Variants in TTF1 observed in about 807,000 individuals in gnomAD.
The protein encoded by TTF1 is transcription termination factor, RNA polymerase I.
Under a neutral mutation model 80.2 loss-of-function variants are expected in TTF1, and 64 were observed. That is an observed-to-expected ratio of 0.80 (90% CI 0.65 to 0.98). The LOEUF (loss-of-function observed/expected upper bound fraction) is 0.98. Among genes scored for constraint, TTF1 ranks in the 50% least tolerant of loss-of-function variants. TTF1 has a pLI of 0.00. For synonymous variants in TTF1, 372 were observed against 382.7 expected (o/e 0.97, Z 0.33); for missense variants, 1,023 against 1,086.2 (o/e 0.94, Z 0.82).
At position 132,401,902 on chromosome 9, in the gene TTF1, A is replaced by G. The variant is rs761546370; in HGVS notation, c.920T>C (p.Met307Thr). 7 of 1,610,376 alleles carry G rather than the reference A, an allele frequency of 4.3e-6. No homozygotes were observed. Among genetic ancestry groups the G allele is most frequent in the Admixed American group, 1.7e-5 (1 of 59,626 alleles). Residue 307 changes from methionine (M) to threonine (T), a missense_variant, in exon 2 of 11, where the codon ATG becomes ACG. Transcript: ENST00000334270. ...GCCCACAGCAGGCCGGGATTCCTGCATATCAGCCCCAACCTCACTGCCCAC... is the reference window on the plus strand; with the variant it reads ...GCCCACAGCAGGCCGGGATTCCTGCGTATCAGCCCCAACCTCACTGCCCAC... ...SQVGSEVGADMQESRPAVGLH... is the reference protein window; with the variant it reads ...SQVGSEVGADTQESRPAVGLH...
chr9:132,386,503 T>G, intron 9 of TTF1, 53 bp downstream of exon 9: 7 of 1,367,738 alleles, frequency 5.1e-6, no homozygotes, highest in Non-Finnish European at 6.2e-6. Context: ...TTATTGTATT[T>G]ATTAAGTCAT....
intron 9 of TTF1, among the ~76,000 whole-genome samples, chr9:132,385,441 G>C (rs183410319): frequency 1.2e-4 from 18 of 152,306 alleles, no homozygotes; most frequent in African/African-American, 4.1e-4. Context: ...AGTCCCCTGA[G>C]GCGTGGGAGT....
At chr9:132,398,372 G>GA (rs5900976) in intron 3 of TTF1, 46 bp from the exon 4 acceptor site, 1,452,478 of 1,569,782 alleles carry the variant, frequency 0.93, 672,772 homozygotes, top group East Asian at 0.97. Flanking sequence ...TGTTAATAAT[G>GA]ACAAAAGCAA....
chr9:132,381,489 C>T (rs146996753), intron 9 of TTF1, among the ~76,000 whole-genome samples: 11 of 152,262 alleles, frequency 7.2e-5, no homozygotes, highest in East Asian at 1.9e-4. Flanking sequence ...CACGCCCGGC[C>T]GAAAAGTTGA....
At position 132,398,474 on chromosome 9, in the gene TTF1, T is replaced by C. The variant is rs73659026; in HGVS notation, c.1592-148A>G. 243 of 771,102 alleles carry C rather than the reference T, an allele frequency of 3.2e-4. No individual in the cohort carries two copies. In the Middle Eastern group the frequency reaches 3.9e-3, roughly 12 times the overall value. The allele number at this position is 771,102 out of a possible 1,614,324, so 47.8% of individuals were successfully genotyped here. Reference sequence around the variant, plus strand: ...CGCCCTCCTGCCCGCACTTGCAGATTTGGCCTTTCCTTCAGGGTTCAGCCC... The same window carrying C: ...CGCCCTCCTGCCCGCACTTGCAGATCTGGCCTTTCCTTCAGGGTTCAGCCC... On this transcript the variant is annotated intron_variant, in intron 3 of 10. Coordinates refer to ENST00000334270, the MANE Select transcript of TTF1 (RefSeq NM_007344.4).
chr9:132,378,552 T>C (rs1489099771), intron 10 of TTF1, among the ~76,000 whole-genome samples: 2 of 108,094 alleles, frequency 1.9e-5, no homozygotes, highest in Admixed American at 1.8e-4. Context: ...GCATGTGGTG[T>C]GTGAATGCAT....
At chr9:132,388,647 G>A (rs1419738735) in intron 7 of TTF1, among the ~76,000 whole-genome samples, 1 of 152,054 alleles carries the variant, frequency 6.6e-6, no homozygotes, top group African/African-American at 2.4e-5. Context: ...GGACCTCAAT[G>A]TATTTTGACT....
rs755049088 is a variant in TTF1, at chr9:132,392,076, G to A, written c.1987C>T (p.Gln663Ter). ...VALKFSQISS[Q>*]RNRGAWSKSE... Reference sequence around the variant, plus strand: ...GTGGGCACTGGGGGCTGCCACTTACGACTGCTGATCTGTGAGAACTTGAGG... The same window carrying A: ...GTGGGCACTGGGGGCTGCCACTTACAACTGCTGATCTGTGAGAACTTGAGG... Residue 663 changes from glutamine to a stop codon, truncating the protein, a stop_gained and splice_region_variant, in exon 6 of 11, where the codon CAA becomes TAA. Transcript: ENST00000334270. LOFTEE classifies it high-confidence loss of function. The A allele has an allele frequency of 2.5e-6, 4 of 1,613,786 alleles. No individual in the cohort carries two copies. Among genetic ancestry groups the A allele is most frequent in the South Asian group, 2.2e-5 (2 of 91,036 alleles).
intron 5 of TTF1, among the ~76,000 whole-genome samples, chr9:132,394,024 C>G (rs1166304): frequency 1.3e-5 from 2 of 151,582 alleles, no homozygotes; most frequent in African/African-American, 4.9e-5. Context: ...TGGGATCAAG[C>G]GATCCTCCCA....
intron 9 of TTF1, among the ~76,000 whole-genome samples, chr9:132,380,570 G>A (rs1023171802): frequency 4.6e-5 from 7 of 152,070 alleles, no homozygotes; most frequent in Non-Finnish European, 7.4e-5. Context: ...AATGCTGTGC[G>A]CCCAACATGC....
At chr9:132,394,338 G>T (rs1226917872) in intron 5 of TTF1, among the ~76,000 whole-genome samples, 1 of 151,308 alleles carries the variant, frequency 6.6e-6, no homozygotes, top group African/African-American at 2.4e-5. Flanking sequence ...GGAGTGCAGT[G>T]GCGCAATCTC....
chr9:132,384,327 T>C lies in TTF1; in HGVS notation c.2378+2229A>G, dbSNP rs1849421365. ...ATGGAAAATGAGCTAAGAACCCATC[T>C]CAAGAAGTTGAAGAACAGCAGCAAA... On this transcript the variant is annotated intron_variant, in intron 9 of 10. Transcript: ENST00000334270. The surrounding 1 kb of genome is among the most constrained non-coding windows in gnomAD (Gnocchi z 4.1). 6.6e-6 allele frequency among the ~76,000 whole-genome samples: 1 copy of C among 152,176 alleles called. No homozygotes were observed. The highest frequency in any genetic ancestry group is 1.5e-5 in the Non-Finnish European group (1 of 68,038).
chr9:132,375,979 G>A lies in TTF1; in HGVS notation c.2654C>T (p.Ala885Val), dbSNP rs1752676. Residue 885 changes from alanine to valine, a missense_variant, in exon 11 of 11, where the codon GCG (alanine) becomes GTG (valine). Transcript: ENST00000334270. ...ATTACAGGCGTGAGCCATGCATGGC[G>A]CCTGGCCTTCGCTTTCTTTTTCTAT... Reference protein sequence around the residue: ...EDIEKESEGQAPCMAHACNSS... With the variant: ...EDIEKESEGQVPCMAHACNSS... 35,232 of 1,613,116 alleles carry A rather than the reference G, an allele frequency of 0.022. 486 individuals are homozygous for A. Among genetic ancestry groups the A allele is most frequent in the Non-Finnish European group, 0.026 (31,257 of 1,179,714 alleles).
intron 4 of TTF1, among the ~76,000 whole-genome samples, chr9:132,397,318 C>T (rs892176232): frequency 3.3e-5 from 5 of 152,296 alleles, no homozygotes; most frequent in African/African-American, 9.6e-5. Context: ...TCAACGGGGG[C>T]GTACTAGCCT....
rs867174985 is a variant in TTF1 at position 132,377,638 on chromosome 9, G to A, written c.2464+1421C>T. Among the ~76,000 whole-genome samples, 342 of 135,774 alleles carry A rather than the reference G, an allele frequency of 2.5e-3. 3 individuals carry two copies. Among genetic ancestry groups the A allele is most frequent in the Non-Finnish European group, 4.5e-3 (283 of 62,892 alleles). 89.1% of individuals were successfully genotyped at this position (135,774 alleles called of 152,430 possible). A position where few individuals can be genotyped will look rare whatever the true frequency, so the allele number is the denominator to read the frequency against. On this transcript the variant is annotated intron_variant, in intron 10 of 10. Coordinates refer to ENST00000334270, the MANE Select transcript of TTF1 (RefSeq NM_007344.4). ...CATGTGGTGTGAGTGCATGTGGTGC[G>A]TGTGAATGCATGTGGTGTGTGTGAG...
chr9:132,397,454 C>T (rs980683196), intron 4 of TTF1, among the ~76,000 whole-genome samples: 2 of 152,154 alleles, frequency 1.3e-5, no homozygotes, highest in African/African-American at 2.4e-5. Flanking sequence ...CACCTCCAGT[C>T]GGAGGGTTCC....
chr9:132,393,116 G>A (rs949810599), intron 5 of TTF1, among the ~76,000 whole-genome samples: 5 of 152,200 alleles, frequency 3.3e-5, no homozygotes, highest in Non-Finnish European at 7.3e-5. Flanking sequence ...TGTCGGTTTC[G>A]TATACTATGT....
At chr9:132,378,221 T>A (rs1849277335) in intron 10 of TTF1, among the ~76,000 whole-genome samples, 1 of 125,960 alleles carries the variant, frequency 7.9e-6, no homozygotes, top group Non-Finnish European at 1.6e-5. Context: ...GCATGTGGTG[T>A]GTGAGTGCAT....
chr9:132,397,437 C>G (rs1406805217), intron 4 of TTF1, among the ~76,000 whole-genome samples: 1 of 152,176 alleles, frequency 6.6e-6, no homozygotes, highest in Non-Finnish European at 1.5e-5. Flanking sequence ...TCTAACTTCA[C>G]AGGCAGCACC....
Sources: allele counts gnomAD v4.1 joint callset (sites outside exome capture counted in the v4.1 genomes callset), GRCh38; gene constraint gnomAD v4.1.1; non-coding constraint Gnocchi (gnomAD v3.1); transcripts MANE v1.5; gene names NCBI Gene and HGNC (gene_info 2026-07-23, HGNC 2026-07-21).